The following SNCAIP variants were observed in gnomAD, a reference collection of about 807,000 sequenced individuals.
The protein encoded by SNCAIP is synphilin-1.
In SNCAIP, 43 loss-of-function variants were observed where a neutral mutation model predicts 86.7. The ratio of observed to expected loss-of-function variants is 0.50; its 90% CI spans 0.39 to 0.64. The LOEUF (loss-of-function observed/expected upper bound fraction) is 0.64. Ranked by LOEUF, SNCAIP falls within the 30% of genes least tolerant of loss-of-function variation. The pLI, the probability that SNCAIP is intolerant of heterozygous loss-of-function variation, is 0.00. For synonymous variants in SNCAIP, 417 were observed against 427.2 expected (o/e 0.98, Z 0.29); for missense variants, 981 against 1,103.1 (o/e 0.89, Z 1.57).
chr5:122,458,787 G>A (rs771360795), intron 10 of SNCAIP, among the ~76,000 whole-genome samples: 1 of 152,202 alleles, frequency 6.6e-6, no homozygotes, highest in African/African-American at 2.4e-5. Context: ...ATAATCAAGA[G>A]AGAATGAAAA....
At chr5:122,318,742 TAAG>T (rs2152659929) in intron 1 of SNCAIP, among the ~76,000 whole-genome samples, 1 of 152,218 alleles carries the variant, frequency 6.6e-6, no homozygotes. Flanking sequence ...ATAACAACCT[TAAG>T]GAGGAGGCTG....
chr5:122,370,826 T>C (rs1365232319), intron 1 of SNCAIP, among the ~76,000 whole-genome samples: 2 of 152,238 alleles, frequency 1.3e-5, no homozygotes, highest in Non-Finnish European at 2.9e-5. Flanking sequence ...AATATGTTTT[T>C]CTAATTATTC....
intron 7 of SNCAIP, 63 bp from the exon 8 acceptor site, chr5:122,444,500 C>T: frequency 6.9e-7 from 1 of 1,446,940 alleles, no homozygotes; most frequent in African/African-American, 1.4e-5. Context: ...CATTCTGTTA[C>T]AGTCATTAAA....
chr5:122,435,260 C>T (rs905022786), intron 6 of SNCAIP, among the ~76,000 whole-genome samples: 2 of 152,148 alleles, frequency 1.3e-5, no homozygotes, highest in East Asian at 1.9e-4. Context: ...GGAGTGTCCT[C>T]GGATAGGCCT....
intron 1 of SNCAIP, among the ~76,000 whole-genome samples, chr5:122,368,015 C>A (rs998318741): frequency 4.6e-5 from 7 of 152,114 alleles, no homozygotes; most frequent in Non-Finnish European, 1.0e-4. Context: ...TTTCATAATT[C>A]ATACATGATT....
At chr5:122,390,061 A>T (rs1769022369) in intron 1 of SNCAIP, among the ~76,000 whole-genome samples, 1 of 152,132 alleles carries the variant, frequency 6.6e-6, no homozygotes, top group Admixed American at 6.5e-5. Context: ...ATGTATTTTC[A>T]CTTTCCAGTA....
chr5:122,451,098 A>G lies in SNCAIP; in HGVS notation c.2251A>G (p.Thr751Ala). The G allele has an allele frequency of 2.0e-5, 32 of 1,614,128 alleles. No homozygotes were observed. Among genetic ancestry groups the G allele is most frequent in the Non-Finnish European group, 2.6e-5 (31 of 1,180,006 alleles). The change falls in exon 10 of 11, where the codon ACC (threonine) becomes GCC (alanine). Residue 751 changes from threonine to alanine, a missense_variant. By Grantham distance (58) the Thr-to-Ala change is moderately conservative (BLOSUM62 0). Coordinates refer to ENST00000261368, the MANE Select transcript of SNCAIP (RefSeq NM_005460.4). ...KSLDGHSPSP[T>A]SESSEPDLES... ...CCTGGATGGCCACAGCCCATCTCCCACCTCAGAGAGCAGCGAACCAGACTT... is the reference window on the plus strand; with the variant it reads ...CCTGGATGGCCACAGCCCATCTCCCGCCTCAGAGAGCAGCGAACCAGACTT...
chr5:122,341,691 C>T (rs1394815477), intron 1 of SNCAIP, among the ~76,000 whole-genome samples: 1 of 152,166 alleles, frequency 6.6e-6, no homozygotes, highest in East Asian at 1.9e-4. Flanking sequence ...TTCAGTGCCT[C>T]CTCAAAAGAG....
chr5:122,456,331 C>T (rs1199738780), intron 10 of SNCAIP, among the ~76,000 whole-genome samples: 1 of 152,082 alleles, frequency 6.6e-6, no homozygotes, highest in African/African-American at 2.4e-5. Context: ...GTTCAGCAGC[C>T]ACTTCAAAGA....
intron 2 of SNCAIP, among the ~76,000 whole-genome samples, chr5:122,392,464 A>C (rs2152843104): frequency 6.6e-6 from 1 of 152,182 alleles, no homozygotes; most frequent in East Asian, 1.9e-4. Context: ...TTGACTTGGA[A>C]GCATTCAAAG....
In SNCAIP at chr5:122,436,197, ATT is replaced by A. The variant is rs1168149721; in HGVS notation, c.1296+4128_1296+4129del. Among the ~76,000 whole-genome samples the A allele has an allele frequency of 4.9e-3, 718 of 147,662 alleles. 6 individuals are homozygous for A. The highest frequency in any genetic ancestry group is 0.017 in the African/African-American group (684 of 40,500). The stretch of plus-strand genomic sequence containing the variant: ...CTAGTTCAATGGGTTAGATATTTTA[ATT>A]TTTTTTTTTTTTAAAAAGAGAGAAA... On this transcript the variant is annotated intron_variant, in intron 6 of 10. Transcript: ENST00000261368.
At chr5:122,367,506 G>A (rs1763417239) in intron 1 of SNCAIP, among the ~76,000 whole-genome samples, 1 of 152,130 alleles carries the variant, frequency 6.6e-6, no homozygotes, top group Non-Finnish European at 1.5e-5. Flanking sequence ...GAGACTTGAG[G>A]ATGTATGTGG....
chr5:122,398,334 G>A (rs933045112), intron 2 of SNCAIP, among the ~76,000 whole-genome samples: 1 of 152,124 alleles, frequency 6.6e-6, no homozygotes, highest in Non-Finnish European at 1.5e-5. Context: ...GGTTAGCAGT[G>A]GAGGAGCAGA....
intron 6 of SNCAIP, chr5:122,437,037 TTCA>T (rs1340855920): frequency 6.6e-6 from 1 of 152,188 alleles, no homozygotes; most frequent in Non-Finnish European, 1.5e-5. Context: ...TACAGAAATC[TTCA>T]TCCATGTGAC....
intron 5 of SNCAIP, among the ~76,000 whole-genome samples, chr5:122,426,102 C>A (rs1777322832): frequency 1.3e-5 from 2 of 152,196 alleles, no homozygotes; most frequent in Non-Finnish European, 2.9e-5. Flanking sequence ...AACTGTGAGA[C>A]AAGAAACATG....
At chr5:122,453,925 A>C (rs1784216619) in intron 10 of SNCAIP, among the ~76,000 whole-genome samples, 1 of 151,926 alleles carries the variant, frequency 6.6e-6, no homozygotes, top group Non-Finnish European at 1.5e-5. Flanking sequence ...ACATCTGGCT[A>C]ATTTTTCTAA....
chr5:122,425,447 A>G lies in SNCAIP; in HGVS notation c.1098A>G (p.Leu366=). 1 of 1,613,974 alleles carries G rather than the reference A, an allele frequency of 6.2e-7. No homozygotes were observed. The highest frequency in any genetic ancestry group is 8.5e-7 in the Non-Finnish European group (1 of 1,179,806). Residue 366 remains leucine (L), a synonymous_variant, in exon 5 of 11, where the codon CTA becomes CTG. Coordinates refer to ENST00000261368, the MANE Select transcript of SNCAIP (RefSeq NM_005460.4). ...IAASQGHAEC[L]QHLTSLMGED... is the part of the protein sequence containing the mutation. The stretch of plus-strand genomic sequence containing the variant: ...CGTCACAGGGACACGCAGAGTGTCT[A>G]CAGCACCTCACTTCTTTGATGGGAG...
chr5:122,398,379 G>A (rs1184148237), intron 2 of SNCAIP, among the ~76,000 whole-genome samples: 2 of 152,096 alleles, frequency 1.3e-5, no homozygotes, highest in Non-Finnish European at 2.9e-5. Context: ...AGGGACAATG[G>A]AACACAGTTT....
At chr5:122,459,243 G>A (rs898039270) in intron 10 of SNCAIP, among the ~76,000 whole-genome samples, 2 of 152,184 alleles carry the variant, frequency 1.3e-5, no homozygotes, top group Non-Finnish European at 2.9e-5. Context: ...TTGGTTATCA[G>A]CGGAAATGTC....
Sources: allele counts gnomAD v4.1 joint callset (sites outside exome capture counted in the v4.1 genomes callset), GRCh38; gene constraint gnomAD v4.1.1; transcripts MANE v1.5; gene names NCBI Gene and HGNC (gene_info 2026-07-23, HGNC 2026-07-21).